The following FAT3 variants were observed in gnomAD, a reference collection of about 807,000 sequenced individuals.
The protein encoded by FAT3 is protocadherin Fat 3.
A neutral mutation model predicts 310.2 loss-of-function variants in FAT3; 95 were observed. The ratio of observed to expected loss-of-function variants is 0.31; its 90% CI spans 0.26 to 0.36. The LOEUF (loss-of-function observed/expected upper bound fraction) is 0.36. Ranked by LOEUF, FAT3 falls within the 10% of genes least tolerant of loss-of-function variation. The probability of loss-of-function intolerance (pLI) is 1.00; values close to 1 mark genes in which losing one functional copy is unlikely to be tolerated. For synonymous variants in FAT3, 2,314 were observed against 2,192.9 expected, an observed-to-expected ratio of 1.06 and a Z score of -1.54; for missense variants, 5,408 against 5,715.6, an observed-to-expected ratio of 0.95 and a Z score of 1.74.
At chr11:92,609,751 A>G (rs1005977247) in intron 3 of FAT3, among the ~76,000 whole-genome samples, 1 of 152,162 alleles carries the variant, frequency 6.6e-6, no homozygotes, top group Non-Finnish European at 1.5e-5. Context: ...GTGTGTGTCT[A>G]TGATTTAAGC....
At chr11:92,537,654 A>G (rs1326077663) in intron 3 of FAT3, among the ~76,000 whole-genome samples, 1 of 152,144 alleles carries the variant, frequency 6.6e-6, no homozygotes, top group Non-Finnish European at 1.5e-5. Flanking sequence ...CAACTGACAG[A>G]CAGACAGACA....
chr11:92,770,128 A>C (rs1288533810), intron 6 of FAT3, among the ~76,000 whole-genome samples: 1 of 152,214 alleles, frequency 6.6e-6, no homozygotes, highest in African/African-American at 2.4e-5. Context: ...TTCAACTGAC[A>C]TCAAACACTT....
chr11:92,590,985 A>G (rs1939397518), intron 3 of FAT3, among the ~76,000 whole-genome samples: 1 of 152,106 alleles, frequency 6.6e-6, no homozygotes, highest in South Asian at 2.1e-4. Flanking sequence ...TGGACAGACA[A>G]TTCAAACACA....
In FAT3 at chr11:92,835,072, C is replaced by T; in HGVS notation, c.10074C>T (p.Asp3358=). 6.2e-7 allele frequency: 1 copy of T among 1,612,264 alleles called. No homozygotes were observed. ...AVISEDALVG[D]SVILLIAEDV... ...TCAGTGAAGACGCCTTGGTGGGAGA[C>T]TCTGTCATTTTGGTAGGTACCTGGG... The change falls in exon 15 of 28, where the codon GAC becomes GAT. Residue 3358 remains aspartate, a synonymous_variant. Transcript: ENST00000525166.
chr11:92,459,922 T>C lies in FAT3; in HGVS notation c.3293-64712T>C, dbSNP rs1030833729. 2.0e-5 allele frequency among the ~76,000 whole-genome samples: 3 copies of C among 151,814 alleles called. No homozygotes were observed. The East Asian group carries it at 5.8e-4, about 29-fold the overall frequency. Reference sequence around the variant, plus strand: ...ACATTCCTGGAGCTCTTTCAAAGTATAATATTAAGCAAGAGAAGCTATGGT... The same window carrying C: ...ACATTCCTGGAGCTCTTTCAAAGTACAATATTAAGCAAGAGAAGCTATGGT... On this transcript the variant is annotated intron_variant, in intron 2 of 27. Coordinates refer to ENST00000525166, the MANE Select transcript of FAT3 (RefSeq NM_001367949.2).
intron 1 of FAT3, among the ~76,000 whole-genome samples, chr11:92,291,698 A>C (rs1200687155): frequency 6.6e-6 from 1 of 152,144 alleles, no homozygotes; most frequent in Non-Finnish European, 1.5e-5. Context: ...CCAAAATCAG[A>C]AGATTTCAGA....
intron 4 of FAT3, among the ~76,000 whole-genome samples, chr11:92,735,557 C>CAAAG (rs1945317037): frequency 1.3e-5 from 2 of 148,738 alleles, no homozygotes; most frequent in African/African-American, 5.0e-5. Context: ...GATGGATGAG[C>CAAAG]ATAGATAGAT....
intron 4 of FAT3, among the ~76,000 whole-genome samples, chr11:92,758,294 G>C (rs1467613817): frequency 6.6e-6 from 1 of 152,176 alleles, no homozygotes; most frequent in African/African-American, 2.4e-5. Flanking sequence ...ATGATAATTA[G>C]TGTCCTAGAA....
chr11:92,534,680 A>AT (rs1428484670), intron 3 of FAT3, among the ~76,000 whole-genome samples: 2 of 152,178 alleles, frequency 1.3e-5, no homozygotes, highest in African/African-American at 2.4e-5. Flanking sequence ...ACAGAGAGAA[A>AT]TTTGGACACA....
rs141439510 is a variant in FAT3 at position 92,235,027 on chromosome 11, C to T, written c.-18+9853C>T. 1.7e-3 allele frequency among the ~76,000 whole-genome samples: 264 copies of T among 151,194 alleles called. 6 individuals carry two copies. In the East Asian group the frequency reaches 0.043, roughly 24 times the overall value. Reference sequence around the variant, plus strand: ...CAGAGGTTGCAGTGAGCTAAGATTGCGCCACTGCACTCCAGCCTGGGTGGC... The same window carrying T: ...CAGAGGTTGCAGTGAGCTAAGATTGTGCCACTGCACTCCAGCCTGGGTGGC... On this transcript the variant is annotated intron_variant, in intron 1 of 27. Coordinates refer to ENST00000525166, the MANE Select transcript of FAT3 (RefSeq NM_001367949.2).
At chr11:92,443,774 T>C (rs1460695691) in intron 2 of FAT3, among the ~76,000 whole-genome samples, 1 of 151,668 alleles carries the variant, frequency 6.6e-6, no homozygotes, top group African/African-American at 2.4e-5. Context: ...ATAAGAAGCA[T>C]GAGGAGATGG....
At chr11:92,351,999 GT>G in intron 1 of FAT3, 96 bp from the exon 2 acceptor site, 1 of 806,224 alleles carries the variant, frequency 1.2e-6, no homozygotes, top group South Asian at 3.6e-5. Flanking sequence ...TTGTGATAAA[GT>G]TTTAAAAAGC....
At chr11:92,417,107 C>T (rs1194737465) in intron 2 of FAT3, among the ~76,000 whole-genome samples, 3 of 152,154 alleles carry the variant, frequency 2.0e-5, no homozygotes, top group African/African-American at 4.8e-5. Context: ...AATTTCTACA[C>T]GTCACTGTTT....
intron 16 of FAT3, among the ~76,000 whole-genome samples, chr11:92,837,132 A>G (rs1268745243): frequency 6.6e-6 from 1 of 152,188 alleles, no homozygotes; most frequent in Non-Finnish European, 1.5e-5. Flanking sequence ...GAAGTTTCTA[A>G]ACATTGTCTT....
At chr11:92,608,231 AATTT>A (rs1465463371) in intron 3 of FAT3, among the ~76,000 whole-genome samples, 2 of 152,178 alleles carry the variant, frequency 1.3e-5, no homozygotes, top group Non-Finnish European at 2.9e-5. Flanking sequence ...TTCAAACATT[AATTT>A]AATGCATTTT....
At chr11:92,494,949 C>T (rs1454434721) in intron 2 of FAT3, among the ~76,000 whole-genome samples, 1 of 151,982 alleles carries the variant, frequency 6.6e-6, no homozygotes, top group Non-Finnish European at 1.5e-5. Context: ...ATAGGGACAG[C>T]ATGAAAACTG....
chr11:92,701,207 GCTGA>G (rs1420095119), intron 4 of FAT3, among the ~76,000 whole-genome samples: 1 of 152,186 alleles, frequency 6.6e-6, no homozygotes, highest in East Asian at 1.9e-4. Flanking sequence ...CCATTTAGAA[GCTGA>G]CCTGGCAGGT....
At chr11:92,773,180 C>T (rs1037399343) in intron 6 of FAT3, among the ~76,000 whole-genome samples, 1 of 152,134 alleles carries the variant, frequency 6.6e-6, no homozygotes, top group Admixed American at 6.6e-5. Flanking sequence ...AGATCATAAA[C>T]CACACTTTGG....
intron 21 of FAT3, among the ~76,000 whole-genome samples, chr11:92,864,450 A>G (rs934392457): frequency 6.6e-6 from 1 of 152,240 alleles, no homozygotes; most frequent in Non-Finnish European, 1.5e-5. Context: ...TAGAGCAAGT[A>G]TTCTGGTATG....
Sources: gnomAD v4.1 joint callset for allele counts (sites outside exome capture counted in the v4.1 genomes callset) on GRCh38, gnomAD v4.1.1 for gene constraint, MANE v1.5 for transcripts, NCBI Gene and HGNC (gene_info 2026-07-23, HGNC 2026-07-21) for gene names.